The following RIMS2 variants were observed in gnomAD, a reference collection of about 807,000 sequenced individuals.
RIMS2 encodes the protein regulating synaptic membrane exocytosis 2.
RIMS2 carries 59 observed loss-of-function variants against 174.4 expected under a neutral mutation model. That is an observed-to-expected ratio of 0.34 (90% confidence interval 0.27 to 0.42). RIMS2 has a LOEUF of 0.42. Ranked by LOEUF, RIMS2 falls within the 10% of genes least tolerant of loss-of-function variation. The probability of loss-of-function intolerance (pLI) is 1.00; values close to 1 mark genes in which losing one functional copy is unlikely to be tolerated. For synonymous variants in RIMS2, 606 were observed against 572.5 expected, an observed-to-expected ratio of 1.06 and a Z score of -0.84; for missense variants, 1,620 against 1,666.3, an observed-to-expected ratio of 0.97 and a Z score of 0.48.
At chr8:103,997,712 T>C (rs2095187249) in intron 17 of RIMS2, among the ~76,000 whole-genome samples, 1 of 151,780 alleles carries the variant, frequency 6.6e-6, no homozygotes, top group Non-Finnish European at 1.5e-5. Flanking sequence ...TTACTCTTTA[T>C]TAAATGGAAT....
intron 2 of RIMS2, among the ~76,000 whole-genome samples, chr8:103,727,093 C>T (rs2097535921): frequency 6.6e-6 from 1 of 151,784 alleles, no homozygotes; most frequent in African/African-American, 2.4e-5. Context: ...TTTACTACTT[C>T]TACTTATTTT....
chr8:104,207,832 G>A (rs2099087682), intron 19 of RIMS2, among the ~76,000 whole-genome samples: 1 of 149,002 alleles, frequency 6.7e-6, no homozygotes, highest in African/African-American at 2.4e-5. Flanking sequence ...ATATATATAT[G>A]TATATAATAT....
intron 1 of RIMS2, among the ~76,000 whole-genome samples, chr8:103,617,014 A>C (rs1185888795): frequency 6.6e-6 from 1 of 152,182 alleles, no homozygotes; most frequent in African/African-American, 2.4e-5. Flanking sequence ...CAAACTAGAA[A>C]AATCTATTTT....
intron 1 of RIMS2, among the ~76,000 whole-genome samples, chr8:103,638,780 A>G (rs2096152280): frequency 6.6e-6 from 1 of 152,018 alleles, no homozygotes; most frequent in African/African-American, 2.4e-5. Flanking sequence ...TTTGTACCAG[A>G]TGGGCTCACT....
chr8:103,959,481 G>C (rs1458032557), intron 14 of RIMS2, among the ~76,000 whole-genome samples: 3 of 151,694 alleles, frequency 2.0e-5, no homozygotes, highest in Non-Finnish European at 2.9e-5. Flanking sequence ...GTAGTGCAGT[G>C]GCGTGATCTT....
At chr8:103,529,352 G>T (rs887283110) in intron 1 of RIMS2, among the ~76,000 whole-genome samples, 1 of 152,178 alleles carries the variant, frequency 6.6e-6, no homozygotes, top group Non-Finnish European at 1.5e-5. Flanking sequence ...CAGGCTTGCT[G>T]CCACCTTGCA....
chr8:103,587,792 C>T (rs972415283), intron 1 of RIMS2, among the ~76,000 whole-genome samples: 1 of 152,204 alleles, frequency 6.6e-6, no homozygotes, highest in Non-Finnish European at 1.5e-5. Flanking sequence ...GACAGACCCA[C>T]AGCTAATATA....
intron 19 of RIMS2, among the ~76,000 whole-genome samples, chr8:104,198,231 A>G (rs2099035799): frequency 6.6e-6 from 1 of 152,180 alleles, no homozygotes; most frequent in Non-Finnish European, 1.5e-5. Context: ...AATTAAGACA[A>G]ATTCTTCTGA....
intron 19 of RIMS2, 58 bp downstream of exon 21, chr8:104,014,673 C>A: frequency 1.9e-6 from 2 of 1,038,928 alleles, no homozygotes; most frequent in East Asian, 2.4e-5. Context: ...TAAGGTGAAT[C>A]AAGATTTTCT....
At chr8:103,852,295 G>A (rs1042760756) in intron 3 of RIMS2, among the ~76,000 whole-genome samples, 2 of 151,578 alleles carry the variant, frequency 1.3e-5, no homozygotes, top group African/African-American at 2.4e-5. Context: ...GCTAATTTTA[G>A]CAATTTAATC....
chr8:103,801,715 C>A (rs2098609182), intron 3 of RIMS2, among the ~76,000 whole-genome samples: 1 of 152,116 alleles, frequency 6.6e-6, no homozygotes, highest in Non-Finnish European at 1.5e-5. Flanking sequence ...GAAGTTTTGC[C>A]TTTTAGTCTG....
chr8:103,558,215 T>C (rs2090877185), intron 1 of RIMS2, among the ~76,000 whole-genome samples: 1 of 152,048 alleles, frequency 6.6e-6, no homozygotes, highest in African/African-American at 2.4e-5. Flanking sequence ...AACCTTGTAT[T>C]TATTTTTATT....
At chr8:103,782,433 C>CGT (rs71297237) in intron 3 of RIMS2, among the ~76,000 whole-genome samples, 28,535 of 145,642 alleles carry the variant, frequency 0.2, 2,700 homozygotes, top group Middle Eastern at 0.29. Context: ...ACATAAATCC[C>CGT]GTGTGTGTGT....
At chr8:103,774,480 C>T (rs1489795263) in intron 3 of RIMS2, among the ~76,000 whole-genome samples, 1 of 152,124 alleles carries the variant, frequency 6.6e-6, no homozygotes, top group Non-Finnish European at 1.5e-5. Flanking sequence ...CAAGTATATT[C>T]AAATAAGTGT....
intron 1 of RIMS2, among the ~76,000 whole-genome samples, chr8:103,575,887 C>G (rs1430497664): frequency 6.6e-6 from 1 of 150,908 alleles, no homozygotes; most frequent in African/African-American, 2.4e-5. Flanking sequence ...ACTACAGTTT[C>G]TACACTGGAA....
intron 15 of RIMS2, among the ~76,000 whole-genome samples, chr8:103,968,024 C>G (rs1171900655): frequency 6.6e-6 from 1 of 151,790 alleles, no homozygotes; most frequent in East Asian, 1.9e-4. Context: ...CCACATCTGG[C>G]TAATTTTTGT....
chr8:103,812,082 T>A (rs2098690999), intron 3 of RIMS2, among the ~76,000 whole-genome samples: 1 of 152,204 alleles, frequency 6.6e-6, no homozygotes, highest in Non-Finnish European at 1.5e-5. Context: ...TTTTTGTACA[T>A]CAGAAAACAG....
chr8:103,927,297 T>C (rs553319947), intron 10 of RIMS2, among the ~76,000 whole-genome samples: 124 of 151,644 alleles, frequency 8.2e-4, no homozygotes, highest in South Asian at 2.5e-3. Flanking sequence ...CTGCACACTT[T>C]TATTTTAATG....
chr8:104,211,319 G>C (rs1277418632), intron 19 of RIMS2, among the ~76,000 whole-genome samples: 2 of 152,144 alleles, frequency 1.3e-5, no homozygotes, highest in Non-Finnish European at 2.9e-5. Context: ...AGATTGGATT[G>C]CCAGGAAAGG....
Sources: gnomAD v4.1 joint callset for allele counts (sites outside exome capture counted in the v4.1 genomes callset) on GRCh38, gnomAD v4.1.1 for gene constraint, MANE v1.5 for transcripts, NCBI Gene and HGNC (gene_info 2026-07-23, HGNC 2026-07-21) for gene names.